ANXA10: variants seen among roughly 807,000 people sequenced by gnomAD.
ANXA10 encodes the protein annexin 14.
ANXA10 carries 49 observed loss-of-function variants against 53.5 expected under a neutral mutation model. The ratio of observed to expected loss-of-function variants is 0.92; its 90% CI spans 0.73 to 1.16. The LOEUF (loss-of-function observed/expected upper bound fraction) is 1.16, where lower values mean the gene tolerates loss of function less well. Among genes scored for constraint, ANXA10 ranks in the 50% most tolerant of loss-of-function variants. The probability of loss-of-function intolerance (pLI) is 0.00; values close to 1 mark genes in which losing one functional copy is unlikely to be tolerated. For missense variants in ANXA10, 393 were observed against 394.4 expected (o/e 1.00, Z 0.03); for synonymous variants, 131 against 128.9 (o/e 1.02, Z -0.11).
intron 3 of ANXA10, among the ~76,000 whole-genome samples, chr4:168,152,364 C>T (rs1731512508): frequency 6.6e-6 from 1 of 152,054 alleles, no homozygotes; most frequent in African/African-American, 2.4e-5. Flanking sequence ...GAAAGAAGCC[C>T]GCTGTAGCCA....
chr4:168,127,646 A>T (rs1033200700), intron 1 of ANXA10: 5 of 274,482 alleles, frequency 1.8e-5, no homozygotes, highest in Non-Finnish European at 3.7e-5. Context: ...TAAATAATAG[A>T]TGCAAACACA....
chr4:168,141,658 A>G (rs1731327633), intron 3 of ANXA10, among the ~76,000 whole-genome samples: 1 of 152,184 alleles, frequency 6.6e-6, no homozygotes, highest in Non-Finnish European at 1.5e-5. Context: ...CTTTACTTGA[A>G]GGGAAAGAGG....
At chr4:168,093,374 T>C (rs17053656) in intron 1 of ANXA10, among the ~76,000 whole-genome samples, 7,721 of 152,248 alleles carry the variant, frequency 0.051, 384 homozygotes, top group African/African-American at 0.13. Context: ...ACTGCTCTAA[T>C]AGTCATTCAC....
chr4:168,163,176 A>G (rs888834414), intron 4 of ANXA10, among the ~76,000 whole-genome samples: 1 of 152,162 alleles, frequency 6.6e-6, no homozygotes, highest in Non-Finnish European at 1.5e-5. Context: ...AAGAATTAGA[A>G]TCAGTGTTTC....
Position 168,186,236 on chromosome 4 carries a change from A to C in ANXA10, c.907-1130A>C, listed in dbSNP as rs569938627. ...TTGATACTTAACAAAGAAACATTTT[A>C]TAATATTTATTTACTACTATCATTG... On this transcript the variant is annotated intron_variant, in intron 11 of 11. Transcript: ENST00000359299. 2.0e-5 allele frequency among the ~76,000 whole-genome samples: 3 copies of C among 152,366 alleles called. No homozygotes were observed. In the South Asian group the frequency reaches 6.2e-4, roughly 32 times the overall value.
At chr4:168,111,529 G>A (rs1730806652) in intron 1 of ANXA10, among the ~76,000 whole-genome samples, 2 of 152,096 alleles carry the variant, frequency 1.3e-5, no homozygotes, top group African/African-American at 4.8e-5. Flanking sequence ...ACTTTACAGA[G>A]GACACAACAT....
intron 3 of ANXA10, among the ~76,000 whole-genome samples, chr4:168,147,958 G>A (rs1731431861): frequency 6.6e-6 from 1 of 152,150 alleles, no homozygotes; most frequent in Admixed American, 6.5e-5. Flanking sequence ...ATGACACGTT[G>A]ATATCCTGTA....
chr4:168,159,193 A>G (rs1026612045), intron 3 of ANXA10, among the ~76,000 whole-genome samples: 2 of 152,316 alleles, frequency 1.3e-5, no homozygotes, highest in Middle Eastern at 3.4e-3. Flanking sequence ...ATGGAAATTT[A>G]CATTGATTAA....
intron 1 of ANXA10, among the ~76,000 whole-genome samples, chr4:168,096,194 A>G (rs147077984): frequency 6.6e-6 from 1 of 152,286 alleles, no homozygotes; most frequent in Non-Finnish European, 1.5e-5. Context: ...TATTTTCAAG[A>G]CTGTCTTTTC....
chr4:168,175,804 A>G (rs1732115937), intron 6 of ANXA10, among the ~76,000 whole-genome samples: 1 of 152,216 alleles, frequency 6.6e-6, no homozygotes, highest in Admixed American at 6.5e-5. Flanking sequence ...ACAACTTTTG[A>G]GTTATGATTA....
chr4:168,115,463 T>C (rs1201801064), intron 1 of ANXA10, among the ~76,000 whole-genome samples: 1 of 151,398 alleles, frequency 6.6e-6, no homozygotes, highest in Non-Finnish European at 1.5e-5. Context: ...GGTGTCTTTC[T>C]TACTGCCTTT....
At chr4:168,161,238 A>G (rs1406398026) in intron 3 of ANXA10, among the ~76,000 whole-genome samples, 2 of 152,140 alleles carry the variant, frequency 1.3e-5, no homozygotes, top group African/African-American at 4.8e-5. Flanking sequence ...ATTTTTGTAT[A>G]TGGCATAAGG....
chr4:168,174,045 CTT>C, intron 6 of ANXA10, among the ~76,000 whole-genome samples: 1 of 152,238 alleles, frequency 6.6e-6, no homozygotes, highest in African/African-American at 2.4e-5. Context: ...GGGTCTCCCT[CTT>C]TGCTGAGAGC....
chr4:168,161,963 G>C (rs1443973958), intron 3 of ANXA10, among the ~76,000 whole-genome samples: 1 of 151,930 alleles, frequency 6.6e-6, no homozygotes, highest in East Asian at 1.9e-4. Flanking sequence ...TGTTTTCATA[G>C]CACATTTAGT....
intron 3 of ANXA10, among the ~76,000 whole-genome samples, chr4:168,159,938 T>C (rs544911592): frequency 9.7e-4 from 147 of 152,320 alleles, no homozygotes; most frequent in South Asian, 2.5e-3. Flanking sequence ...AAGTATTGCA[T>C]GTTTTTAAGT....
At chr4:168,104,844 C>A (rs1334264556) in intron 1 of ANXA10, among the ~76,000 whole-genome samples, 1 of 135,642 alleles carries the variant, frequency 7.4e-6, no homozygotes, top group Non-Finnish European at 1.7e-5. Flanking sequence ...TTACTCTTGT[C>A]TTTATTACCT....
At chr4:168,159,882 G>C (rs181810363) in intron 3 of ANXA10, among the ~76,000 whole-genome samples, 73 of 152,252 alleles carry the variant, frequency 4.8e-4, no homozygotes, top group African/African-American at 1.8e-3. Flanking sequence ...TTATTTCAAT[G>C]TGGAATCTTT....
chr4:168,164,667 T>C (rs1366076721), intron 5 of ANXA10, among the ~76,000 whole-genome samples: 1 of 152,188 alleles, frequency 6.6e-6, no homozygotes, highest in Non-Finnish European at 1.5e-5. Flanking sequence ...ATATATCTGC[T>C]TCGCTTTACA....
intron 2 of ANXA10, among the ~76,000 whole-genome samples, chr4:168,137,421 G>T (rs1190647472): frequency 6.6e-6 from 1 of 151,988 alleles, no homozygotes; most frequent in East Asian, 1.9e-4. Context: ...TTTAACCCTT[G>T]CCCCTCTTCC....
Sources: gnomAD v4.1 joint callset for allele counts (sites outside exome capture counted in the v4.1 genomes callset) on GRCh38, gnomAD v4.1.1 for gene constraint, MANE v1.5 for transcripts, NCBI Gene and HGNC (gene_info 2026-07-23, HGNC 2026-07-21) for gene names.